DGKB: variants seen among roughly 807,000 people sequenced by gnomAD.
The protein encoded by DGKB is diacylglycerol kinase beta.
A neutral mutation model predicts 114.3 loss-of-function variants in DGKB; 67 were observed. The observed-to-expected ratio is 0.59, with a 90% CI of 0.48 to 0.72. DGKB has a LOEUF of 0.72. Ranked by LOEUF, DGKB falls within the 30% of genes least tolerant of loss-of-function variation. The probability of loss-of-function intolerance (pLI) is 0.00; values close to 1 mark genes in which losing one functional copy is unlikely to be tolerated. For missense variants in DGKB, 907 were observed against 975.2 expected (o/e 0.93, Z 0.93); for synonymous variants, 398 against 323.1 (o/e 1.23, Z -2.49).
chr7:14,191,388 A>C (rs1562576990), intron 23 of DGKB: 1 of 160,450 alleles, frequency 6.2e-6, no homozygotes, highest in Non-Finnish European at 1.4e-5. Flanking sequence ...ACAATATGCT[A>C]GAGCCATGTG....
chr7:14,426,066 G>A (rs1318279186), intron 21 of DGKB, among the ~76,000 whole-genome samples: 1 of 152,032 alleles, frequency 6.6e-6, no homozygotes, highest in Non-Finnish European at 1.5e-5. Context: ...CCACTATTGT[G>A]GCTACCGCTA....
intron 21 of DGKB, among the ~76,000 whole-genome samples, chr7:14,403,174 T>C (rs535046730): frequency 2.0e-5 from 3 of 151,814 alleles, no homozygotes; most frequent in Non-Finnish European, 2.9e-5. Flanking sequence ...TATATATACA[T>C]ACCCCTCCCA....
chr7:14,620,603 A>T, intron 15 of DGKB, among the ~76,000 whole-genome samples: 1 of 151,788 alleles, frequency 6.6e-6, no homozygotes. Context: ...GGCAGTTGGA[A>T]CACAAAAACA....
At chr7:14,574,141 A>G (rs1421936861) in intron 20 of DGKB, 71 bp downstream of exon 20, 2 of 1,211,106 alleles carry the variant, frequency 1.7e-6, no homozygotes, top group Non-Finnish European at 2.3e-6. Flanking sequence ...GTAAATTTTC[A>G]TAGTTTAAAA....
chr7:14,773,844 G>A (rs1348783461), intron 2 of DGKB, among the ~76,000 whole-genome samples: 1 of 152,050 alleles, frequency 6.6e-6, no homozygotes, highest in African/African-American at 2.4e-5. Flanking sequence ...ATTACATCCT[G>A]TGTTGTTAGT....
intron 23 of DGKB, among the ~76,000 whole-genome samples, chr7:14,292,724 T>TA (rs1801953994): frequency 6.6e-6 from 1 of 152,196 alleles, no homozygotes; most frequent in African/African-American, 2.4e-5. Context: ...TATCTGCACT[T>TA]ACAGAGTGCC....
At chr7:14,406,244 T>C (rs987612798) in intron 21 of DGKB, among the ~76,000 whole-genome samples, 9 of 151,864 alleles carry the variant, frequency 5.9e-5, no homozygotes, top group Non-Finnish European at 1.2e-4. Flanking sequence ...GTCTAAGAAT[T>C]CAATCTCCAA....
chr7:14,511,794 G>A (rs1429542680), intron 20 of DGKB, among the ~76,000 whole-genome samples: 3 of 152,042 alleles, frequency 2.0e-5, no homozygotes, highest in Admixed American at 6.6e-5. Context: ...GGCCACGGTA[G>A]GGTTATTAAT....
At chr7:14,664,638 AT>A (rs1286870284) in intron 13 of DGKB, among the ~76,000 whole-genome samples, 3 of 151,996 alleles carry the variant, frequency 2.0e-5, no homozygotes, top group East Asian at 3.9e-4. Context: ...ATCACTTTAC[AT>A]TTTCCTTCAA....
chr7:14,529,178 A>G (rs997138316), intron 20 of DGKB, among the ~76,000 whole-genome samples: 51 of 152,166 alleles, frequency 3.4e-4, no homozygotes, highest in African/African-American at 1.2e-3. Flanking sequence ...TTTAAATTAG[A>G]AAAGGAGATA....
chr7:14,848,725 A>G (rs1366078167), intron 1 of DGKB, among the ~76,000 whole-genome samples: 1 of 152,200 alleles, frequency 6.6e-6, no homozygotes, highest in Non-Finnish European at 1.5e-5. Context: ...CACTTTTCCC[A>G]GACAAGAATC....
intron 8 of DGKB, among the ~76,000 whole-genome samples, chr7:14,694,535 A>G (rs1342633901): frequency 6.6e-6 from 1 of 152,228 alleles, no homozygotes; most frequent in Non-Finnish European, 1.5e-5. Context: ...ATGCCAGAAA[A>G]TGTCTGAACA....
intron 23 of DGKB, among the ~76,000 whole-genome samples, chr7:14,247,843 T>C (rs1002059129): frequency 1.3e-5 from 2 of 152,158 alleles, no homozygotes; most frequent in African/African-American, 2.4e-5. Flanking sequence ...CAGAGATTTT[T>C]AGTTTGATGC....
intron 21 of DGKB, among the ~76,000 whole-genome samples, chr7:14,446,764 A>C (rs1259351237): frequency 6.6e-6 from 1 of 152,142 alleles, no homozygotes; most frequent in Non-Finnish European, 1.5e-5. Context: ...TCATATAAAA[A>C]CAAATTCATA....
At chr7:14,751,394 A>T (rs530108293) in intron 4 of DGKB, among the ~76,000 whole-genome samples, 3 of 152,282 alleles carry the variant, frequency 2.0e-5, no homozygotes, top group African/African-American at 7.2e-5. Flanking sequence ...TTGTTTATTT[A>T]TTTCCCAAAT....
chr7:14,636,732 T>C (rs1810825516), intron 13 of DGKB, among the ~76,000 whole-genome samples: 1 of 151,886 alleles, frequency 6.6e-6, no homozygotes, highest in Non-Finnish European at 1.5e-5. Flanking sequence ...ACCTAAGCAA[T>C]TATTGGTTTA....
At chr7:14,356,705 A>G (rs1455010028) in intron 21 of DGKB, among the ~76,000 whole-genome samples, 1 of 152,082 alleles carries the variant, frequency 6.6e-6, no homozygotes, top group African/African-American at 2.4e-5. Context: ...TGTGGATTTT[A>G]GATCTTTCCT....
At chr7:14,660,939 A>C (rs1816932921) in intron 13 of DGKB, among the ~76,000 whole-genome samples, 1 of 151,406 alleles carries the variant, frequency 6.6e-6, no homozygotes, top group Non-Finnish European at 1.5e-5. Context: ...ACCTGAGAAA[A>C]ACAAGCAATG....
chr7:14,512,754 G>A (rs1788176290), intron 20 of DGKB, among the ~76,000 whole-genome samples: 1 of 151,806 alleles, frequency 6.6e-6, no homozygotes, highest in African/African-American at 2.4e-5. Context: ...ATATATTATA[G>A]AACTCAATTA....
Sources: allele counts gnomAD v4.1 joint callset (sites outside exome capture counted in the v4.1 genomes callset), GRCh38; gene constraint gnomAD v4.1.1; transcripts MANE v1.5; gene names NCBI Gene and HGNC (gene_info 2026-07-23, HGNC 2026-07-21).